Variants in ARHGEF33 observed in about 807,000 individuals in gnomAD.
ARHGEF33 encodes DH and coiled-coil domain-containing protein ENSP00000381780.
ARHGEF33 carries 72 observed loss-of-function variants against 101.9 expected under a neutral mutation model. That is an observed-to-expected ratio of 0.71 (90% CI 0.58 to 0.86). The LOEUF (loss-of-function observed/expected upper bound fraction) is 0.86. Ranked by LOEUF, ARHGEF33 falls within the 40% of genes least tolerant of loss-of-function variation. The probability of loss-of-function intolerance (pLI) is 0.00; values close to 1 mark genes in which losing one functional copy is unlikely to be tolerated. For synonymous variants in ARHGEF33, 499 were observed against 442.5 expected, an observed-to-expected ratio of 1.13 and a Z score of -1.60; for missense variants, 1,169 against 1,111.3, an observed-to-expected ratio of 1.05 and a Z score of -0.74.
Position 38,921,248 on chromosome 2 carries a change from C to T in ARHGEF33, c.26-126C>T. ...AGCTCATTTTTTGTTCCCCTGGAATCATTGGTTTCTTGTCGTGCGGGCACA... is the reference window on the plus strand; with the variant it reads ...AGCTCATTTTTTGTTCCCCTGGAATTATTGGTTTCTTGTCGTGCGGGCACA... On this transcript the variant is annotated intron_variant, in intron 3 of 17. Coordinates refer to ENST00000409978, the MANE Select transcript of ARHGEF33 (RefSeq NM_001145451.5). The T allele has an allele frequency of 9.2e-6, 6 of 650,604 alleles. No homozygotes were observed. In the South Asian group the frequency reaches 1.1e-4, roughly 12 times the overall value. 40.3% of individuals were successfully genotyped at this position (650,604 alleles called of 1,614,324 possible).
At chr2:38,927,131 T>C (rs1666892377) in intron 4 of ARHGEF33, among the ~76,000 whole-genome samples, 1 of 152,200 alleles carries the variant, frequency 6.6e-6, no homozygotes. Context: ...TAGCCCCAAA[T>C]ACTTGACAGG....
At chr2:38,953,329 A>C in intron 12 of ARHGEF33, 84 bp downstream of exon 12, 1 of 808,684 alleles carries the variant, frequency 1.2e-6, no homozygotes, top group Non-Finnish European at 2.1e-6. Context: ...AATACAGCGC[A>C]TGCACTGTGC....
chr2:38,933,398 T>A (rs899833626), intron 7 of ARHGEF33, among the ~76,000 whole-genome samples: 5 of 152,132 alleles, frequency 3.3e-5, no homozygotes, highest in African/African-American at 1.2e-4. Context: ...TTTTTCTTTT[T>A]TTGAAACAGA....
At chr2:38,947,083 T>C (rs1667469880) in intron 10 of ARHGEF33, among the ~76,000 whole-genome samples, 1 of 152,244 alleles carries the variant, frequency 6.6e-6, no homozygotes, top group Non-Finnish European at 1.5e-5. Flanking sequence ...AGTAAGTATA[T>C]TAACATTTAC....
At chr2:38,953,333 A>G (rs910296010) in intron 12 of ARHGEF33, 88 bp downstream of exon 12, 1 of 790,020 alleles carries the variant, frequency 1.3e-6, no homozygotes, top group Non-Finnish European at 2.2e-6. Context: ...CAGCGCATGC[A>G]CTGTGCTTTC....
chr2:38,930,628 G>A (rs1191336086), intron 6 of ARHGEF33, among the ~76,000 whole-genome samples: 2 of 152,198 alleles, frequency 1.3e-5, no homozygotes, highest in African/African-American at 2.4e-5. Context: ...TTACAGGCAT[G>A]AGCCACAGTG....
Position 38,960,496 on chromosome 2 carries a change from A to C in ARHGEF33, c.2191A>C (p.Ser731Arg), listed in dbSNP as rs1395167992. ...CCCACGCCTCTACAGCACGCGCAGC[A>C]GCAGCGGCGGCCGCGCGCCCATCAA... Reference protein sequence around the residue: ...VAPRLYSTRSSSGGRAPIKAE... With the variant: ...VAPRLYSTRSRSGGRAPIKAE... The change falls in exon 16 of 18, where the codon AGC becomes CGC. Residue 731 changes from serine to arginine, a missense_variant. Physicochemically the swap from Ser to Arg is moderately radical, Grantham distance 110. Coordinates refer to ENST00000409978, the MANE Select transcript of ARHGEF33 (RefSeq NM_001145451.5). 7.3e-7 allele frequency: 1 copy of C among 1,363,408 alleles called. No homozygotes were observed. Among genetic ancestry groups the C allele is most frequent in the Non-Finnish European group, 9.4e-7 (1 of 1,058,894 alleles). The allele number at this position is 1,363,408 out of a possible 1,614,324, so 84.5% of individuals were successfully genotyped here.
intron 6 of ARHGEF33, among the ~76,000 whole-genome samples, chr2:38,930,503 C>T (rs1441493943): frequency 2.6e-5 from 4 of 151,560 alleles, no homozygotes; most frequent in Non-Finnish European, 2.9e-5. Flanking sequence ...GTGGCCATCA[C>T]GCTAGCTAAT....
chr2:38,914,528 G>A (rs905257392), intron 2 of ARHGEF33, among the ~76,000 whole-genome samples: 4 of 152,024 alleles, frequency 2.6e-5, no homozygotes, highest in South Asian at 2.1e-4. Flanking sequence ...TTATCCAGGC[G>A]TGGTGGCACA....
At chr2:38,921,744 GAC>G (rs1245776776) in intron 4 of ARHGEF33, among the ~76,000 whole-genome samples, 2 of 152,154 alleles carry the variant, frequency 1.3e-5, no homozygotes, top group Admixed American at 1.3e-4. Flanking sequence ...ATTATTGAAA[GAC>G]AAGTTATCTC....
chr2:38,913,611 T>A (rs1388544745), intron 2 of ARHGEF33, among the ~76,000 whole-genome samples: 1 of 151,520 alleles, frequency 6.6e-6, no homozygotes, highest in African/African-American at 2.4e-5. Flanking sequence ...CCCATCTATA[T>A]TAAAAATACA....
intron 9 of ARHGEF33, among the ~76,000 whole-genome samples, chr2:38,938,561 A>AC (rs1558435028): frequency 6.6e-6 from 1 of 151,952 alleles, no homozygotes; most frequent in Non-Finnish European, 1.5e-5. Context: ...GTTTTACACT[A>AC]TTTTTTTTAC....
chr2:38,926,701 A>G (rs1175866711), intron 4 of ARHGEF33, among the ~76,000 whole-genome samples: 1 of 152,118 alleles, frequency 6.6e-6, no homozygotes, highest in Non-Finnish European at 1.5e-5. Context: ...TTCTGCAGGG[A>G]GGAAGGTCCT....
At chr2:38,938,648 G>A (rs1243943174) in intron 9 of ARHGEF33, among the ~76,000 whole-genome samples, 1 of 152,102 alleles carries the variant, frequency 6.6e-6, no homozygotes, top group Non-Finnish European at 1.5e-5. Context: ...CATTTTACAT[G>A]TGTCTATCCC....
At chr2:38,910,251 A>T (rs1466583697) in intron 2 of ARHGEF33, among the ~76,000 whole-genome samples, 2 of 152,200 alleles carry the variant, frequency 1.3e-5, no homozygotes, top group Non-Finnish European at 2.9e-5. Context: ...TTTTCCTAGA[A>T]AATTATCTGT....
At chr2:38,950,715 A>G (rs1308703261) in intron 10 of ARHGEF33, among the ~76,000 whole-genome samples, 1 of 152,196 alleles carries the variant, frequency 6.6e-6, no homozygotes, top group East Asian at 1.9e-4. Context: ...AAGTGCTGGG[A>G]TTACAGGTGT....
In ARHGEF33 at chr2:38,973,782, A is replaced by G. The variant is rs1461656729; in HGVS notation, c.2552A>G (p.Gln851Arg). 2 of 1,549,466 alleles carry G rather than the reference A, an allele frequency of 1.3e-6. No individual in the cohort carries two copies. The highest frequency in any genetic ancestry group is 1.7e-6 in the Non-Finnish European group (2 of 1,146,332). ...NPSMDPSPTK[Q>R]DFFRNRLALA... ...TCAATGGATCCTTCACCCACCAAAC[A>G]AGATTTCTTCAGAAACCGACTTGCT... Residue 851 changes from glutamine to arginine, a missense_variant, in exon 18 of 18, where the codon CAA becomes CGA. Physicochemically the swap from Gln to Arg is conservative, Grantham distance 43 (BLOSUM62 1). Coordinates refer to ENST00000409978, the MANE Select transcript of ARHGEF33 (RefSeq NM_001145451.5).
intron 1 of ARHGEF33, among the ~76,000 whole-genome samples, chr2:38,890,284 A>C (rs1328165075): frequency 6.6e-6 from 1 of 152,210 alleles, no homozygotes; most frequent in East Asian, 1.9e-4. Context: ...AGATGAGTTA[A>C]ATTTTGAGAG....
Position 38,973,753 on chromosome 2 carries a change from T to G in ARHGEF33, c.2523T>G (p.Asn841Lys). Residue 841 changes from asparagine (N) to lysine (K), a missense_variant, in exon 18 of 18, where the codon AAT becomes AAG. Coordinates refer to ENST00000409978, the MANE Select transcript of ARHGEF33 (RefSeq NM_001145451.5). ...AATACAGGGAAAAAACTAATGAGAATCCCTCAATGGATCCTTCACCCACCA... is the reference window on the plus strand; with the variant it reads ...AATACAGGGAAAAAACTAATGAGAAGCCCTCAATGGATCCTTCACCCACCA... ...GSEYREKTNE[N>K]PSMDPSPTKQ... 1 of 1,546,318 alleles carries G rather than the reference T, an allele frequency of 6.5e-7. No homozygotes were observed. The highest frequency in any genetic ancestry group is 8.7e-7 in the Non-Finnish European group (1 of 1,144,924).
Sources: allele counts gnomAD v4.1 joint callset (sites outside exome capture counted in the v4.1 genomes callset), GRCh38; gene constraint gnomAD v4.1.1; transcripts MANE v1.5; gene names NCBI Gene and HGNC (gene_info 2026-07-23, HGNC 2026-07-21).